FAM168A: variants seen among roughly 807,000 people sequenced by gnomAD.
The protein encoded by FAM168A is family with sequence similarity 168 member A.
In FAM168A, 3 loss-of-function variants were observed where a neutral mutation model predicts 28.5. The ratio of observed to expected loss-of-function variants is 0.11; its 90% CI spans 0.05 to 0.27. The LOEUF (loss-of-function observed/expected upper bound fraction) is 0.27, where lower values mean the gene tolerates loss of function less well. Among genes scored for constraint, FAM168A ranks in the 10% least tolerant of loss-of-function variants. The probability of loss-of-function intolerance (pLI) is 1.00; values close to 1 mark genes in which losing one functional copy is unlikely to be tolerated. For synonymous variants in FAM168A, 122 were observed against 124.2 expected (o/e 0.98, Z 0.12); for missense variants, 222 against 311.5 (o/e 0.71, Z 2.16).
At chr11:73,531,511 T>C (rs1943512570) in intron 1 of FAM168A, among the ~76,000 whole-genome samples, 1 of 152,146 alleles carries the variant, frequency 6.6e-6, no homozygotes, top group African/African-American at 2.4e-5. Flanking sequence ...GCAGAGGAGA[T>C]GCAGCCTGTT....
intron 2 of FAM168A, among the ~76,000 whole-genome samples, chr11:73,434,112 G>A (rs1193993648): frequency 2.6e-5 from 4 of 152,126 alleles, no homozygotes; most frequent in Non-Finnish European, 1.5e-5. Flanking sequence ...CCAAAGTGCT[G>A]GGATTACAGG....
At chr11:73,465,983 G>A (rs930185962) in intron 2 of FAM168A, among the ~76,000 whole-genome samples, 3 of 152,130 alleles carry the variant, frequency 2.0e-5, no homozygotes, top group African/African-American at 2.4e-5. Context: ...GAGAGAGAGA[G>A]AGAAAGAACA....
At position 73,580,162 on chromosome 11, in the gene FAM168A, T is replaced by C. The variant is rs552655515; in HGVS notation, c.-19+17761A>G. 269 of 363,844 alleles carry C rather than the reference T, an allele frequency of 7.4e-4. 2 individuals carry two copies. The highest frequency in any genetic ancestry group is 5.4e-3 in the South Asian group (253 of 46,510). 22.5% of individuals were successfully genotyped at this position (363,844 alleles called of 1,614,324 possible). ...AAAAAACAAAAACCAGAAGAAGAGG[T>C]GAGAACGACCCCCAGACCAACCAAA... On this transcript the variant is annotated intron_variant, in intron 1 of 7. Coordinates refer to ENST00000356467, the MANE Select transcript of FAM168A (RefSeq NM_015159.3).
intron 2 of FAM168A, among the ~76,000 whole-genome samples, chr11:73,446,883 C>T (rs987914910): frequency 4.6e-5 from 7 of 152,156 alleles, no homozygotes; most frequent in African/African-American, 1.7e-4. Context: ...CCAACCTATC[C>T]ATCATGCCTA....
intron 1 of FAM168A, among the ~76,000 whole-genome samples, chr11:73,544,929 A>T (rs55720978): frequency 7.3e-5 from 7 of 95,242 alleles, no homozygotes; most frequent in South Asian, 4.8e-4. Context: ...ATATAATATA[A>T]AATATATTAT....
intron 1 of FAM168A, among the ~76,000 whole-genome samples, chr11:73,477,537 C>T (rs1039823847): frequency 2.6e-5 from 4 of 151,904 alleles, no homozygotes; most frequent in South Asian, 2.1e-4. Context: ...GATCCATAAC[C>T]GGACACAATA....
chr11:73,573,610 G>A (rs139049644), intron 1 of FAM168A, among the ~76,000 whole-genome samples: 1 of 152,292 alleles, frequency 6.6e-6, no homozygotes, highest in Non-Finnish European at 1.5e-5. Flanking sequence ...TCTTTATATA[G>A]TTCAAGGGAA....
intron 1 of FAM168A, among the ~76,000 whole-genome samples, chr11:73,582,131 C>G (rs150349556): frequency 8.5e-5 from 13 of 152,296 alleles, no homozygotes; most frequent in African/African-American, 3.1e-4. Flanking sequence ...GGCTGATATC[C>G]ATGTTGACTA....
At chr11:73,448,000 C>T (rs999077145) in intron 2 of FAM168A, among the ~76,000 whole-genome samples, 4 of 152,140 alleles carry the variant, frequency 2.6e-5, no homozygotes, top group Admixed American at 2.0e-4. Context: ...GATGATAATG[C>T]TAATAATAAA....
intron 7 of FAM168A, among the ~76,000 whole-genome samples, chr11:73,407,293 A>G (rs1267509182): frequency 3.3e-5 from 5 of 152,192 alleles, no homozygotes; most frequent in Non-Finnish European, 5.9e-5. Context: ...AGGGATAGCT[A>G]TTATTATTTC....
intron 2 of FAM168A, among the ~76,000 whole-genome samples, chr11:73,442,077 G>A (rs529756302): frequency 6.7e-6 from 1 of 150,368 alleles, no homozygotes; most frequent in East Asian, 1.9e-4. Context: ...TTTCCCCGCA[G>A]TGTGTTAAGG....
chr11:73,534,803 A>G (rs1411853864), intron 1 of FAM168A, among the ~76,000 whole-genome samples: 3 of 152,248 alleles, frequency 2.0e-5, no homozygotes, highest in East Asian at 3.8e-4. Flanking sequence ...TGCCTCCCCT[A>G]GTATAGAAGA....
intron 1 of FAM168A, among the ~76,000 whole-genome samples, chr11:73,509,042 C>G (rs1207104509): frequency 6.6e-6 from 1 of 152,210 alleles, no homozygotes; most frequent in African/African-American, 2.4e-5. Context: ...CCTTCTCAAT[C>G]ATGTGGAACT....
chr11:73,563,814 A>G (rs1943986490), intron 1 of FAM168A, among the ~76,000 whole-genome samples: 1 of 152,270 alleles, frequency 6.6e-6, no homozygotes, highest in African/African-American at 2.4e-5. Context: ...ACTATGCTTA[A>G]GTGCAGAAGA....
intron 1 of FAM168A, among the ~76,000 whole-genome samples, chr11:73,546,372 AACTG>A (rs1943752808): frequency 6.6e-6 from 1 of 152,228 alleles, no homozygotes; most frequent in Non-Finnish European, 1.5e-5. Flanking sequence ...ACTAATTTAC[AACTG>A]ACTAACCAAT....
chr11:73,409,390 T>C, intron 6 of FAM168A, 97 bp downstream of exon 6: 1 of 1,491,274 alleles, frequency 6.7e-7, no homozygotes, highest in South Asian at 1.2e-5. Context: ...ACAGGATCTC[T>C]TGTGCTGTGC....
At chr11:73,572,196 G>C (rs1255344372) in intron 1 of FAM168A, among the ~76,000 whole-genome samples, 1 of 135,402 alleles carries the variant, frequency 7.4e-6, no homozygotes, top group African/African-American at 2.7e-5. Flanking sequence ...CGCCCCGTCC[G>C]GGAGGGAGGT....
chr11:73,534,809 G>A (rs1407829350), intron 1 of FAM168A, among the ~76,000 whole-genome samples: 1 of 152,182 alleles, frequency 6.6e-6, no homozygotes, highest in African/African-American at 2.4e-5. Flanking sequence ...CCCTAGTATA[G>A]AAGACTAAAG....
intron 2 of FAM168A, among the ~76,000 whole-genome samples, chr11:73,442,510 C>T (rs1867215452): frequency 3.9e-5 from 6 of 152,122 alleles, no homozygotes. Flanking sequence ...AAAGTATTTT[C>T]TCATTTTCCT....
Sources: allele counts gnomAD v4.1 joint callset (sites outside exome capture counted in the v4.1 genomes callset), GRCh38; gene constraint gnomAD v4.1.1; transcripts MANE v1.5; gene names NCBI Gene and HGNC (gene_info 2026-07-23, HGNC 2026-07-21).